Variants in EIF1AX observed in about 807,000 individuals in gnomAD.
EIF1AX encodes eukaryotic translation initiation factor 1A, X-chromosomal.
EIF1AX carries 1 observed loss-of-function variant against 16.1 expected under a neutral mutation model. The ratio of observed to expected loss-of-function variants is 0.06; its 90% CI spans 0.02 to 0.30. EIF1AX has a LOEUF of 0.30. EIF1AX is among the 10% of genes least tolerant of loss of function. The pLI, the probability that EIF1AX is intolerant of heterozygous loss-of-function variation, is 1.00. For missense variants in EIF1AX, 11 were observed against 109.1 expected, an observed-to-expected ratio of 0.10 and a Z score of 4.00; for synonymous variants, 32 against 37.3, an observed-to-expected ratio of 0.86 and a Z score of 0.51.
At chrX:20,128,802 C>T (rs2066992681) in intron 6 of EIF1AX, among the ~76,000 whole-genome samples, 2 of 111,795 alleles carry the variant, frequency 1.8e-5, no homozygotes, top group South Asian at 3.7e-4. Context: ...CAGCTGGGTC[C>T]AGTTCTGAGG....
chrX:20,137,084 G>A (rs1346700390), intron 2 of EIF1AX, among the ~76,000 whole-genome samples: 1 of 111,560 alleles, frequency 9.0e-6, no homozygotes, highest in East Asian at 2.8e-4. Context: ...CTTGCACTTA[G>A]AAGATACATG....
intron 5 of EIF1AX, among the ~76,000 whole-genome samples, chrX:20,131,894 C>G (rs890550791): frequency 2.8e-5 from 3 of 107,935 alleles, no homozygotes; most frequent in Admixed American, 1.0e-4. Context: ...TGCGCACTGA[C>G]AGTCTCTCGA....
intron 2 of EIF1AX, among the ~76,000 whole-genome samples, chrX:20,138,239 G>A (rs915803896): frequency 9.2e-5 from 10 of 109,201 alleles, no homozygotes; most frequent in Non-Finnish European, 1.9e-4. Flanking sequence ...TCCTGACCTC[G>A]TGATCCGCCC....
intron 2 of EIF1AX, among the ~76,000 whole-genome samples, chrX:20,136,638 A>C: frequency 8.9e-6 from 1 of 112,104 alleles, no homozygotes; most frequent in Admixed American, 9.5e-5. Context: ...GATGTCCATT[A>C]ATTTGTAAAT....
chrX:20,130,267 C>T (rs1489956086), intron 6 of EIF1AX, among the ~76,000 whole-genome samples: 1 of 87,089 alleles, frequency 1.1e-5, no homozygotes, highest in Non-Finnish European at 2.1e-5. Flanking sequence ...TGTACCACTG[C>T]ACTCCAGCCT....
intron 1 of EIF1AX, among the ~76,000 whole-genome samples, chrX:20,140,829 G>C (rs1383247298): frequency 9.1e-6 from 1 of 110,424 alleles, no homozygotes; most frequent in African/African-American, 3.3e-5. Context: ...AATTTCTTTA[G>C]GAGTGTTCTG....
chrX:20,126,374 A>C lies in EIF1AX; in HGVS notation c.*1932T>G. Reference sequence around the variant, plus strand: ...TATGATTCGAGATTTCCTAGGATTTAACAGCCCAAGATTGGGCTGTTACTA... The same window carrying C: ...TATGATTCGAGATTTCCTAGGATTTCACAGCCCAAGATTGGGCTGTTACTA... On this transcript the variant is annotated 3_prime_UTR_variant, in exon 7 of 7. Coordinates refer to ENST00000379607, the MANE Select transcript of EIF1AX (RefSeq NM_001412.4). 8.1e-6 allele frequency: 1 copy of C among 123,403 alleles called. No homozygotes were observed. Among genetic ancestry groups the C allele is most frequent in the Non-Finnish European group, 1.6e-5 (1 of 64,132 alleles). The allele number at this position is 123,403 out of a possible 1,213,427, so 10.2% of individuals were successfully genotyped here. A position where few individuals can be genotyped will look rare whatever the true frequency, so the allele number is the denominator to read the frequency against.
At chrX:20,130,683 T>C in intron 5 of EIF1AX, 76 bp from the exon 6 acceptor site, 3 of 940,824 alleles carry the variant, frequency 3.2e-6, no homozygotes, top group South Asian at 3.7e-5. Flanking sequence ...GCATTCCTTT[T>C]ATATAAGACA....
At chrX:20,131,901 T>C (rs1220806637) in intron 5 of EIF1AX, among the ~76,000 whole-genome samples, 1 of 108,072 alleles carries the variant, frequency 9.3e-6, no homozygotes, top group African/African-American at 3.4e-5. Context: ...TGACAGTCTC[T>C]CGAGGAAGGA....
chrX:20,128,391 T>G, intron 6 of EIF1AX, 80 bp from the exon 7 acceptor site: 10 of 856,940 alleles, frequency 1.2e-5, no homozygotes, highest in Non-Finnish European at 1.7e-5. Flanking sequence ...AAGGGAGACT[T>G]TCACCTCCTT....
chrX:20,140,599 T>A (rs1289253133), intron 1 of EIF1AX, among the ~76,000 whole-genome samples: 1 of 111,977 alleles, frequency 8.9e-6, no homozygotes, highest in South Asian at 3.7e-4. Flanking sequence ...TGTGGTAGAA[T>A]CCCTGGAGCC....
chrX:20,125,320 T>C lies in EIF1AX; in HGVS notation c.*2986A>G, dbSNP rs1301875908. ...GTTCATTCTATACCTGAGAGTCTTG[T>C]GTCTTTTCACATTTTGCTCTTTTCT... On this transcript the variant is annotated 3_prime_UTR_variant, in exon 7 of 7. Transcript: ENST00000379607. The C allele has an allele frequency of 5.9e-6, 1 of 169,769 alleles. No homozygotes were observed. The highest frequency in any genetic ancestry group is 1.1e-5 in the Non-Finnish European group (1 of 88,530). 14.0% of individuals were successfully genotyped at this position (169,769 alleles called of 1,213,427 possible).
chrX:20,134,497 G>A (rs1337569867), intron 3 of EIF1AX, among the ~76,000 whole-genome samples: 5 of 112,253 alleles, frequency 4.5e-5, no homozygotes, highest in Non-Finnish European at 5.6e-5. Flanking sequence ...CAGCACTTTG[G>A]GAGGCCGAGG....
intron 4 of EIF1AX, among the ~76,000 whole-genome samples, chrX:20,133,507 C>T (rs2148607693): frequency 9.5e-6 from 1 of 105,230 alleles, no homozygotes; most frequent in South Asian, 3.9e-4. Context: ...ATTATTTATT[C>T]TGGGTTTTTT....
chrX:20,130,773 T>C (rs750102653), intron 5 of EIF1AX, among the ~76,000 whole-genome samples, 166 bp from the exon 6 acceptor site: 3 of 112,445 alleles, frequency 2.7e-5, no homozygotes, highest in Admixed American at 9.4e-5. Flanking sequence ...TGTGTTACCA[T>C]TTTCTTTTGT....
chrX:20,138,517 C>G, intron 2 of EIF1AX, 22 bp downstream of exon 2: 1 of 1,122,535 alleles, frequency 8.9e-7, no homozygotes, highest in Non-Finnish European at 1.2e-6. Context: ...TTTTAAAAAG[C>G]GTAATTTATG....
chrX:20,134,755 A>C (rs1453917435), intron 3 of EIF1AX, among the ~76,000 whole-genome samples: 1 of 111,776 alleles, frequency 8.9e-6, no homozygotes, highest in Non-Finnish European at 1.9e-5. Flanking sequence ...AAAGAAAGAA[A>C]AAGAAAAAAA....
chrX:20,141,747 G>A lies in EIF1AX; in HGVS notation c.-107C>T, dbSNP rs934817688. ...ACGAGGGAGCGCGCGGGACCAAGTA[G>A]GTGCTGGAGGCCAGGCAACGTGCGC... On this transcript the variant is annotated 5_prime_UTR_variant, in exon 1 of 7. Coordinates refer to ENST00000379607, the MANE Select transcript of EIF1AX (RefSeq NM_001412.4). 5.6e-5 allele frequency: 45 copies of A among 802,103 alleles called. No homozygotes were observed. Among genetic ancestry groups the A allele is most frequent in the Non-Finnish European group, 6.9e-5 (40 of 581,264 alleles). The allele number at this position is 802,103 out of a possible 1,213,427, so 66.1% of individuals were successfully genotyped here.
intron 4 of EIF1AX, 23 bp from the exon 5 acceptor site, chrX:20,132,286 T>TA (rs1428934006): frequency 9.9e-7 from 1 of 1,013,517 alleles, no homozygotes; most frequent in Non-Finnish European, 1.4e-6. Flanking sequence ...CAAATAACTT[T>TA]AAAAAACTGA....
Sources: allele counts gnomAD v4.1 joint callset (sites outside exome capture counted in the v4.1 genomes callset), GRCh38; gene constraint gnomAD v4.1.1; transcripts MANE v1.5; gene names NCBI Gene and HGNC (gene_info 2026-07-23, HGNC 2026-07-21).